SLC9B1: variants seen among roughly 807,000 people sequenced by gnomAD.
SLC9B1 encodes the protein solute carrier family 9 member B1, also known as sodium/hydrogen exchanger 9B1.
Under a neutral mutation model 51.7 loss-of-function variants are expected in SLC9B1, and 32 were observed. That is an observed-to-expected ratio of 0.62 (90% CI 0.47 to 0.83). The LOEUF is 0.83. Ranked by LOEUF, SLC9B1 falls within the 40% of genes least tolerant of loss-of-function variation. SLC9B1 has a pLI of 0.00. For missense variants in SLC9B1, 406 were observed against 613.2 expected (o/e 0.66, Z 3.57); for synonymous variants, 145 against 212.7 (o/e 0.68, Z 2.77).
intron 1 of SLC9B1, among the ~76,000 whole-genome samples, chr4:103,005,564 A>G (rs1740738237): frequency 6.6e-6 from 1 of 152,182 alleles, no homozygotes. Context: ...CAGAAAACTG[A>G]CAAAGATATT....
intron 3 of SLC9B1, among the ~76,000 whole-genome samples, chr4:102,983,287 A>C (rs1739451826): frequency 6.6e-6 from 1 of 152,120 alleles, no homozygotes; most frequent in South Asian, 2.1e-4. Flanking sequence ...TGTTTAATTC[A>C]ATTTGTTAAT....
intron 3 of SLC9B1, among the ~76,000 whole-genome samples, chr4:102,967,811 A>G (rs1005098066): frequency 6.6e-6 from 1 of 152,224 alleles, no homozygotes; most frequent in Non-Finnish European, 1.5e-5. Flanking sequence ...GAATAAATTT[A>G]ACAAAATAAG....
rs141987961 is a variant in SLC9B1, at chr4:102,915,275, T to C, written c.830-3738A>G. Reference sequence around the variant, plus strand: ...TCCTCCATGTGGAAATGAAAGGGCATTGGATAGAAATACAAAAGCATACAA... The same window carrying C: ...TCCTCCATGTGGAAATGAAAGGGCACTGGATAGAAATACAAAAGCATACAA... On this transcript the variant is annotated intron_variant, in intron 7 of 11. Transcript: ENST00000296422. Among the ~76,000 whole-genome samples the C allele has an allele frequency of 2.3e-3, 351 of 152,330 alleles. 2 individuals are homozygous for C. Among genetic ancestry groups the C allele is most frequent in the African/African-American group, 7.9e-3 (327 of 41,572 alleles).
intron 6 of SLC9B1, 141 bp from the exon 7 acceptor site, chr4:102,932,440 T>C (rs1407487979): frequency 3.7e-6 from 3 of 813,526 alleles, no homozygotes; most frequent in Non-Finnish European, 5.8e-6. Flanking sequence ...TTAATGGTGA[T>C]AAAACTTTTC....
At chr4:102,986,455 T>C (rs114824200) in intron 3 of SLC9B1, among the ~76,000 whole-genome samples, 1,563 of 152,256 alleles carry the variant, frequency 0.01, 35 homozygotes, top group African/African-American at 0.035. Flanking sequence ...TGTAGTCTGT[T>C]TGGACATTTA....
intron 7 of SLC9B1, among the ~76,000 whole-genome samples, chr4:102,915,711 A>C (rs1735546427): frequency 6.6e-6 from 1 of 152,250 alleles, no homozygotes; most frequent in East Asian, 1.9e-4. Context: ...GAAGCATAGA[A>C]TTTAAAAAGT....
At chr4:102,939,721 T>C (rs891242829) in intron 6 of SLC9B1, among the ~76,000 whole-genome samples, 1 of 152,242 alleles carries the variant, frequency 6.6e-6, no homozygotes, top group Non-Finnish European at 1.5e-5. Flanking sequence ...TAAGTAAGCT[T>C]TATCCCTGGG....
At chr4:102,968,573 C>T (rs757904692) in intron 3 of SLC9B1, among the ~76,000 whole-genome samples, 1 of 152,092 alleles carries the variant, frequency 6.6e-6, no homozygotes, top group Non-Finnish European at 1.5e-5. Flanking sequence ...CCAAGATGGC[C>T]GAATAGGAAC....
intron 1 of SLC9B1, among the ~76,000 whole-genome samples, chr4:102,998,293 T>C (rs1243535217): frequency 6.6e-6 from 1 of 152,230 alleles, no homozygotes; most frequent in African/African-American, 2.4e-5. Context: ...GTCTTGCTTA[T>C]TGCACTTATC....
chr4:102,904,776 G>A (rs575969851), intron 11 of SLC9B1, among the ~76,000 whole-genome samples: 9 of 152,254 alleles, frequency 5.9e-5, no homozygotes, highest in African/African-American at 7.2e-5. Flanking sequence ...GAGGTCAGGA[G>A]TTTGAGACTA....
chr4:102,930,424 A>C (rs1193732060), intron 7 of SLC9B1, among the ~76,000 whole-genome samples: 3 of 151,978 alleles, frequency 2.0e-5, no homozygotes, highest in Non-Finnish European at 4.4e-5. Context: ...TTTTAAATTA[A>C]AAAAAAATTT....
At chr4:102,885,174 T>C (rs1733842416) in exon 12 of SLC9B1, 11 of 1,499,736 alleles carry the variant, frequency 7.3e-6, no homozygotes, top group Non-Finnish European at 1.0e-5. Context: ...TTTGAATTCT[T>C]TTCCAAGAGC....
chr4:102,913,263 G>T (rs1427662912), intron 7 of SLC9B1, among the ~76,000 whole-genome samples: 2 of 152,126 alleles, frequency 1.3e-5, no homozygotes, highest in Non-Finnish European at 2.9e-5. Context: ...TGGATGCGTG[G>T]GAGCCACTGG....
At chr4:102,998,935 G>A (rs140802865) in intron 1 of SLC9B1, among the ~76,000 whole-genome samples, 2 of 152,120 alleles carry the variant, frequency 1.3e-5, no homozygotes, top group East Asian at 1.9e-4. Context: ...AACATAGATC[G>A]TGCAGCCTTG....
At chr4:102,976,109 C>T (rs1471999915) in intron 3 of SLC9B1, among the ~76,000 whole-genome samples, 6 of 152,092 alleles carry the variant, frequency 3.9e-5, no homozygotes, top group Non-Finnish European at 8.8e-5. Flanking sequence ...ACAAGTGTTT[C>T]AATAAGAGAG....
intron 3 of SLC9B1, among the ~76,000 whole-genome samples, chr4:102,983,462 G>A (rs894893843): frequency 6.6e-6 from 1 of 152,108 alleles, no homozygotes; most frequent in Non-Finnish European, 1.5e-5. Flanking sequence ...TGAGAAAATT[G>A]TATAATTTCA....
At chr4:102,956,583 C>A (rs1368383236) in intron 3 of SLC9B1, among the ~76,000 whole-genome samples, 1 of 152,098 alleles carries the variant, frequency 6.6e-6, no homozygotes, top group Admixed American at 6.6e-5. Context: ...ATGCAACAGA[C>A]ACAAAGGAAA....
chr4:102,991,097 A>C (rs1338567161), intron 2 of SLC9B1, among the ~76,000 whole-genome samples: 3 of 152,110 alleles, frequency 2.0e-5, no homozygotes, highest in Non-Finnish European at 4.4e-5. Context: ...TTCACAGATA[A>C]TTAGAATCAA....
chr4:103,005,761 G>A (rs1481813534), intron 1 of SLC9B1, among the ~76,000 whole-genome samples: 1 of 152,128 alleles, frequency 6.6e-6, no homozygotes, highest in Non-Finnish European at 1.5e-5. Context: ...AGACCACAGT[G>A]CAGTAACAAT....
Sources: gnomAD v4.1 joint callset for allele counts (sites outside exome capture counted in the v4.1 genomes callset) on GRCh38, gnomAD v4.1.1 for gene constraint, MANE v1.5 for transcripts, NCBI Gene and HGNC (gene_info 2026-07-23, HGNC 2026-07-21) for gene names.